The following CEP43 variants were observed in gnomAD, a reference collection of about 807,000 sequenced individuals.
The protein encoded by CEP43 is FGFR1 oncogene partner.
A neutral mutation model predicts 52.6 loss-of-function variants in CEP43; 36 were observed. The observed-to-expected ratio is 0.68, with a 90% CI of 0.52 to 0.90. The LOEUF is 0.90. CEP43 is among the 40% of genes least tolerant of loss of function. The pLI, the probability that CEP43 is intolerant of heterozygous loss-of-function variation, is 0.00. For synonymous variants in CEP43, 192 were observed against 172.4 expected (o/e 1.11, Z -0.89); for missense variants, 506 against 472.8 (o/e 1.07, Z -0.65).
At chr6:167,028,417 T>C in intron 10 of CEP43, 1 of 985,106 alleles carries the variant, frequency 1.0e-6, no homozygotes, top group Non-Finnish European at 1.2e-6. Flanking sequence ...GTTATGCAGG[T>C]GAGAACTACC....
At chr6:167,037,556 T>C (rs1265424037) in intron 12 of CEP43, among the ~76,000 whole-genome samples, 1 of 152,246 alleles carries the variant, frequency 6.6e-6, no homozygotes, top group Non-Finnish European at 1.5e-5. Context: ...ATAATTTTCT[T>C]TGTGAGATAG....
chr6:167,012,407 A>G (rs3798311), intron 6 of CEP43, among the ~76,000 whole-genome samples: 3,080 of 152,186 alleles, frequency 0.02, 53 homozygotes, highest in East Asian at 0.092. Flanking sequence ...CTATAACCCC[A>G]GTGATAGAGT....
chr6:167,037,386 T>C (rs1168635121), intron 12 of CEP43, among the ~76,000 whole-genome samples: 1 of 152,242 alleles, frequency 6.6e-6, no homozygotes, highest in East Asian at 1.9e-4. Context: ...CGAGATGGAA[T>C]ACCTTACTGA....
chr6:167,011,493 G>A (rs1455354219), intron 6 of CEP43: 2 of 152,108 alleles, frequency 1.3e-5, no homozygotes, highest in Non-Finnish European at 2.9e-5. Context: ...TCTACACTTT[G>A]AATTTAAGAT....
Position 167,043,882 on chromosome 6 carries a change from C to G in CEP43, c.*3904C>G, listed in dbSNP as rs1251683896. 6.6e-6 allele frequency: 1 copy of G among 152,154 alleles called. No individual in the cohort carries two copies. Among genetic ancestry groups the G allele is most frequent in the African/African-American group, 2.4e-5 (1 of 41,424 alleles). The allele number at this position is 152,154 out of a possible 1,614,324, so 9.4% of individuals were successfully genotyped here. The stretch of plus-strand genomic sequence containing the variant: ...AATGTAATCAGGAAACGAGATAATT[C>G]AAGAACAAAAACCTGTGAAGGACTG... On this transcript the variant is annotated 3_prime_UTR_variant, in exon 13 of 13. Coordinates refer to ENST00000366847, the MANE Select transcript of CEP43 (RefSeq NM_007045.4).
chr6:167,026,318 G>A (rs1382726447), intron 9 of CEP43, among the ~76,000 whole-genome samples: 9 of 152,180 alleles, frequency 5.9e-5, no homozygotes, highest in African/African-American at 1.2e-4. Flanking sequence ...AGCTGAGACC[G>A]CGCCATTGCA....
Position 167,042,279 on chromosome 6 carries a change from TA to T in CEP43, c.*2304del. The T allele has an allele frequency of 1.8e-5, 18 of 1,005,134 alleles. No individual in the cohort carries two copies. The highest frequency in any genetic ancestry group is 2.1e-5 in the Non-Finnish European group (18 of 840,318). 62.3% of individuals were successfully genotyped at this position (1,005,134 alleles called of 1,614,324 possible). A position where few individuals can be genotyped will look rare whatever the true frequency, so the allele number is the denominator to read the frequency against. ...GTGATGAGTGTTTTCTGTTAAAAAA[TA>T]AATATTGAAATATTAACCCATTAAA... On this transcript the variant is annotated 3_prime_UTR_variant, in exon 13 of 13. Transcript: ENST00000366847.
At chr6:167,024,966 T>G (rs1780322467) in intron 9 of CEP43, 72 bp downstream of exon 9, 2 of 829,144 alleles carry the variant, frequency 2.4e-6, no homozygotes, top group Non-Finnish European at 4.0e-6. Context: ...GTGATTATTG[T>G]TGATTTTTTT....
intron 7 of CEP43, among the ~76,000 whole-genome samples, chr6:167,021,780 C>A (rs1347129033): frequency 6.6e-6 from 1 of 151,580 alleles, no homozygotes; most frequent in Non-Finnish European, 1.5e-5. Context: ...AGGAAGTTAC[C>A]CTGGAAGTTA....
chr6:167,023,173 CAG>C (rs1047295746), intron 8 of CEP43, among the ~76,000 whole-genome samples: 2 of 151,998 alleles, frequency 1.3e-5, no homozygotes, highest in Non-Finnish European at 2.9e-5. Context: ...TTGGGGGTAG[CAG>C]AGAGAGCAAG....
chr6:167,020,055 C>T (rs3798312), intron 7 of CEP43, among the ~76,000 whole-genome samples: 3,087 of 152,242 alleles, frequency 0.02, 52 homozygotes, highest in East Asian at 0.091. Flanking sequence ...TTTAAAAAGA[C>T]ATAAATCCAT....
In CEP43 at chr6:167,003,783, T is replaced by A. The variant is rs767875750; in HGVS notation, c.272T>A (p.Leu91Ter). 4.3e-6 allele frequency: 7 copies of A among 1,611,148 alleles called. No individual in the cohort carries two copies. The highest frequency in any genetic ancestry group is 5.9e-6 in the Non-Finnish European group (7 of 1,177,854). Residue 91 changes from leucine (L) to a stop codon, truncating the protein, a stop_gained, in exon 4 of 13, where the codon TTG becomes TAG. Coordinates refer to ENST00000366847, the MANE Select transcript of CEP43 (RefSeq NM_007045.4). LOFTEE classifies it high-confidence loss of function. ...CAGTTTTTTAACCTTGACTTTACTT[T>A]GGCTGTTTTTCAACCTGAAACTAGC... is the stretch of plus-strand genomic sequence containing the variant. ...FLQFFNLDFTLAVFQPETSTL... is the reference protein window; with the variant it reads ...FLQFFNLDFT
intron 7 of CEP43, among the ~76,000 whole-genome samples, chr6:167,014,829 A>G (rs1780058826): frequency 6.6e-6 from 1 of 152,242 alleles, no homozygotes; most frequent in Non-Finnish European, 1.5e-5. Flanking sequence ...TTCTCACTTA[A>G]GGAGTTTATA....
At position 167,040,361 on chromosome 6, in the gene CEP43, CT is replaced by C; in HGVS notation, c.*385del. ...GCTGGTACGTGTGATCTTTGAAAAC[CT>C]TGGCTTTAGCCCTCTGGAATCAGAG... On this transcript the variant is annotated 3_prime_UTR_variant, in exon 13 of 13. Transcript: ENST00000366847. 7.2e-7 allele frequency: 1 copy of C among 1,390,332 alleles called. No homozygotes were observed. Among genetic ancestry groups the C allele is most frequent in the East Asian group, 2.7e-5 (1 of 37,102 alleles). The allele number at this position is 1,390,332 out of a possible 1,614,324, so 86.1% of individuals were successfully genotyped here.
At chr6:167,002,922 T>G (rs141203675) in intron 2 of CEP43, among the ~76,000 whole-genome samples, 1 of 152,382 alleles carries the variant, frequency 6.6e-6, no homozygotes, top group East Asian at 1.9e-4. Context: ...TGTTGACATT[T>G]AATTGTATTT....
chr6:167,037,094 C>G (rs1780599693), intron 12 of CEP43, among the ~76,000 whole-genome samples: 1 of 152,248 alleles, frequency 6.6e-6, no homozygotes, highest in African/African-American at 2.4e-5. Context: ...GCGTGAGTCA[C>G]TGTACCCGGC....
At chr6:167,027,188 G>A (rs188085161) in intron 10 of CEP43, among the ~76,000 whole-genome samples, 1 of 152,344 alleles carries the variant, frequency 6.6e-6, no homozygotes, top group East Asian at 1.9e-4. Context: ...CTGTTCTATG[G>A]AGCAGAAGTT....
Position 167,022,506 on chromosome 6 carries a change from T to C in CEP43, c.677T>C (p.Ile226Thr). The C allele has an allele frequency of 3.1e-6, 5 of 1,613,968 alleles. No homozygotes were observed. In the Admixed American group the frequency reaches 5.0e-5, roughly 16 times the overall value. Residue 226 changes from isoleucine (I) to threonine (T), a missense_variant, in exon 8 of 13, where the codon ATT becomes ACT. Coordinates refer to ENST00000366847, the MANE Select transcript of CEP43 (RefSeq NM_007045.4). ...CACTTACTGTCCCATGAAACAAAAA[T>C]TGGATCTTTTCTAAGCAACAGAACT... ...SLHLLSHETK[I>T]GSFLSNRTLD...
At chr6:167,003,009 A>G (rs1338244102) in intron 2 of CEP43, among the ~76,000 whole-genome samples, 184 bp from the exon 3 acceptor site, 2 of 152,228 alleles carry the variant, frequency 1.3e-5, no homozygotes, top group Non-Finnish European at 2.9e-5. Context: ...AAATCTTCAT[A>G]TATGGTTTTG....
Sources: gnomAD v4.1 joint callset for allele counts (sites outside exome capture counted in the v4.1 genomes callset) on GRCh38, gnomAD v4.1.1 for gene constraint, MANE v1.5 for transcripts, NCBI Gene and HGNC (gene_info 2026-07-23, HGNC 2026-07-21) for gene names.